The following MUC12 variants were observed in gnomAD, a reference collection of about 807,000 sequenced individuals.
The protein encoded by MUC12 is mucin-12.
MUC12 carries 172 observed loss-of-function variants against 230.8 expected under a neutral mutation model. The observed-to-expected ratio is 0.75, with a 90% CI of 0.66 to 0.85. The LOEUF (loss-of-function observed/expected upper bound fraction) is 0.85, where lower values mean the gene tolerates loss of function less well. Ranked by LOEUF, MUC12 falls within the 40% of genes least tolerant of loss-of-function variation. The pLI, the probability that MUC12 is intolerant of heterozygous loss-of-function variation, is 0.00. For missense variants in MUC12, 3,506 were observed against 5,920.6 expected, an observed-to-expected ratio of 0.59 and a Z score of 13.38; for synonymous variants, 1,259 against 2,401.9, an observed-to-expected ratio of 0.52 and a Z score of 13.91.
At position 100,991,520 on chromosome 7, in the gene MUC12, C is replaced by A. The variant is rs762884543; in HGVS notation, c.957C>A (p.Ala319=). 10 of 1,537,194 alleles carry A rather than the reference C, an allele frequency of 6.5e-6. No homozygotes were observed. Among genetic ancestry groups the A allele is most frequent in the Non-Finnish European group, 8.7e-6 (10 of 1,146,550 alleles). The part of the protein sequence containing the change: ...PSSTPTTHFS[A]SSTTLGHSEE... ...CAACTCCAACAACCCACTTTTCTGCCAGCTCCACAACCTTGGGCCATAGTG... is the reference window on the plus strand; with the variant it reads ...CAACTCCAACAACCCACTTTTCTGCAAGCTCCACAACCTTGGGCCATAGTG... The change falls in exon 2 of 12, where the codon GCC becomes GCA. Residue 319 remains alanine, a synonymous_variant. Transcript: ENST00000536621.
intron 1 of MUC12, among the ~76,000 whole-genome samples, chr7:100,987,561 A>G (rs541836863): frequency 3.9e-4 from 60 of 152,186 alleles, no homozygotes; most frequent in African/African-American, 1.3e-3. Flanking sequence ...CCAGTGTTGC[A>G]GGAGGGGCCT....
intron 1 of MUC12, among the ~76,000 whole-genome samples, chr7:100,989,173 T>C (rs1563088507): frequency 1.4e-5 from 2 of 147,960 alleles, no homozygotes; most frequent in Non-Finnish European, 3.0e-5. Flanking sequence ...CGATCTCAGC[T>C]CACTGCAACC....
At chr7:101,007,088 A>C (rs888564353) in intron 3 of MUC12, among the ~76,000 whole-genome samples, 1 of 151,978 alleles carries the variant, frequency 6.6e-6, no homozygotes, top group Non-Finnish European at 1.5e-5. Context: ...CCTCCTGAGT[A>C]GTTGAGATTA....
Position 100,991,838 on chromosome 7 carries a change from T to A in MUC12, c.1275T>A (p.Arg425=), listed in dbSNP as rs1481866707. 3 of 1,537,656 alleles carry A rather than the reference T, an allele frequency of 2.0e-6. No homozygotes were observed. The Admixed American group carries it at 5.9e-5, about 30-fold the overall frequency. The change falls in exon 2 of 12, where the codon CGT becomes CGA. Residue 425 remains arginine (R), a synonymous_variant. Transcript: ENST00000536621. The part of the protein sequence containing the change: ...SLGSTETTHF[R]DSSTISGRSE... The stretch of plus-strand genomic sequence containing the variant: ...GCTCAACTGAAACAACACACTTCCG[T>A]GATAGCTCCACAATCTCAGGCCGTA...
Position 101,003,285 on chromosome 7 carries a change from G to A in MUC12, c.12722G>A (p.Ser4241Asn). 2.6e-6 allele frequency: 4 copies of A among 1,520,084 alleles called. No homozygotes were observed. Among genetic ancestry groups the A allele is most frequent in the Non-Finnish European group, 3.5e-6 (4 of 1,140,430 alleles). 94.2% of individuals were successfully genotyped at this position (1,520,084 alleles called of 1,614,324 possible). ...FPSSTTMPGV[S>N]QESTASHSSP... ...AGCAGTACCACCATGCCAGGCGTCA[G>A]TCAGGAATCTACAGCTTCCCACAGC... The change falls in exon 2 of 12, where the codon AGT becomes AAT. Residue 4241 changes from serine to asparagine, a missense_variant. By Grantham distance (46) the Ser-to-Asn change is conservative. Coordinates refer to ENST00000536621, the MANE Select transcript of MUC12 (RefSeq NM_001164462.2).
rs902228933 is a variant in MUC12 at position 101,004,540 on chromosome 7, C to T, written c.13977C>T (p.His4659=). 12 of 1,537,118 alleles carry T rather than the reference C, an allele frequency of 7.8e-6. No individual in the cohort carries two copies. The highest frequency in any genetic ancestry group is 3.3e-4 in the Middle Eastern group (2 of 6,018). The part of the protein sequence containing the change: ...SALVEEPTSY[H]SSPGSIATTH... ...TTGTTGAAGAACCTACCAGCTACCA[C>T]AGCAGCCCGGGCTCAATTGCAACAA... The change falls in exon 2 of 12, where the codon CAC becomes CAT. Residue 4659 remains histidine (H), a synonymous_variant. Transcript: ENST00000536621.
chr7:101,006,623 G>A, intron 3 of MUC12, 51 bp downstream of exon 3: 1 of 1,254,602 alleles, frequency 8.0e-7, no homozygotes, highest in Non-Finnish European at 1.1e-6. Flanking sequence ...TTTCACCCCT[G>A]AAAACAGCAT....
intron 3 of MUC12, among the ~76,000 whole-genome samples, chr7:101,007,315 G>A (rs901184605): frequency 2.0e-5 from 3 of 152,094 alleles, no homozygotes; most frequent in Admixed American, 6.5e-5. Context: ...TCACTCTGTC[G>A]TGTTAAATAC....
In MUC12 at chr7:101,013,183, G is replaced by T. The variant is rs1009994589; in HGVS notation, c.15638+41G>T. 12 of 1,533,778 alleles carry T rather than the reference G, an allele frequency of 7.8e-6. No individual in the cohort carries two copies. The African/African-American group carries it at 8.2e-5, about 11-fold the overall frequency. ...AGCCCAGCACCCACTCTGTCCTGGT[G>T]ATAGGGCCCTCCCCCTCCCCAGCAG... On this transcript the variant is annotated intron_variant, in intron 8 of 11. Transcript: ENST00000536621.
At chr7:100,983,574 A>C (rs2116283170) in intron 1 of MUC12, among the ~76,000 whole-genome samples, 1 of 152,312 alleles carries the variant, frequency 6.6e-6, no homozygotes, top group Admixed American at 6.5e-5. Context: ...TACAGGGCCA[A>C]CTGAACAGGG....
chr7:101,005,137 C>T lies in MUC12; in HGVS notation c.14574C>T (p.Gly4858=). The T allele has an allele frequency of 6.5e-7, 1 of 1,537,976 alleles. No homozygotes were observed. The highest frequency in any genetic ancestry group is 8.7e-7 in the Non-Finnish European group (1 of 1,147,082). Residue 4858 remains glycine (G), a synonymous_variant, in exon 2 of 12, where the codon GGC becomes GGT. Transcript: ENST00000536621. ...CTACCACCTTCTACAGCAGCCCAGG[C>T]TCAACTGAAACCACAGCGTTTTCTC... The part of the protein sequence containing the change: ...EESTTFYSSP[G]STETTAFSHS...
chr7:101,017,801 T>G, intron 11 of MUC12, 138 bp downstream of exon 11: 1 of 455,018 alleles, frequency 2.2e-6, no homozygotes. Flanking sequence ...TGGGACCCCT[T>G]CCCTTTCCCT....
At chr7:101,013,644 G>A (rs1285848285) in intron 8 of MUC12, among the ~76,000 whole-genome samples, 1 of 152,142 alleles carries the variant, frequency 6.6e-6, no homozygotes, top group Non-Finnish European at 1.5e-5. Context: ...GTGGGTGAAT[G>A]GTACGTGTCT....
Position 101,002,089 on chromosome 7 carries a change from T to C in MUC12, c.11526T>C (p.Thr3842=). Residue 3842 remains threonine, a synonymous_variant, in exon 2 of 12, where the codon ACT becomes ACC. Transcript: ENST00000536621. ...CCTCAACTCACACAACACTGTTCAC[T>C]GAGGACAGCACCACCTCGGGCCTCA... ...RPASTHTTLF[T]EDSTTSGLTE... The C allele has an allele frequency of 9.2e-7, 1 of 1,086,182 alleles. No homozygotes were observed. The highest frequency in any genetic ancestry group is 1.3e-6 in the Non-Finnish European group (1 of 787,244). The allele number at this position is 1,086,182 out of a possible 1,614,324, so 67.3% of individuals were successfully genotyped here.
rs1563089040 is a variant in MUC12 at position 100,990,753 on chromosome 7, GCAA to G, written c.194_196del (p.Thr65del). 6.5e-7 allele frequency: 1 copy of G among 1,537,836 alleles called. No homozygotes were observed. Among genetic ancestry groups the G allele is most frequent in the Non-Finnish European group, 8.7e-7 (1 of 1,147,054 alleles). On this transcript the variant is annotated inframe_deletion, in exon 2 of 12. Transcript: ENST00000536621. ...AGTCACATTTATCACGGGCTCAACTGCAACAAAACACTTCCTTGACAGCTCCAC... is the reference window on the plus strand; with the variant it reads ...AGTCACATTTATCACGGGCTCAACTGCAAAACACTTCCTTGACAGCTCCAC...
Position 100,992,589 on chromosome 7 carries a change from C to G in MUC12, c.2026C>G (p.Arg676Gly), listed in dbSNP as rs561789821. Residue 676 changes from arginine to glycine, a missense_variant, in exon 2 of 12, where the codon CGC becomes GGC. Transcript: ENST00000536621. ...SSIPTTHISARSTTSGLVEES... is the reference protein window; with the variant it reads ...SSIPTTHISAGSTTSGLVEES... ...AATTCCAACAACCCACATTTCTGCC[C>G]GCTCCACAACCTCAGGCCTCGTTGA... 9 of 1,537,714 alleles carry G rather than the reference C, an allele frequency of 5.9e-6. No individual in the cohort carries two copies. Among genetic ancestry groups the G allele is most frequent in the Middle Eastern group, 1.7e-4 (1 of 5,992 alleles).
chr7:101,010,038 C>T (rs374614341), intron 5 of MUC12, among the ~76,000 whole-genome samples: 52 of 152,234 alleles, frequency 3.4e-4, no homozygotes, highest in African/African-American at 1.2e-3. Context: ...TGGTGGCCTA[C>T]ACCAGATAGG....
chr7:100,974,900 C>T (rs1214491867), intron 1 of MUC12, among the ~76,000 whole-genome samples: 4 of 152,294 alleles, frequency 2.6e-5, no homozygotes, highest in Admixed American at 2.6e-4. Flanking sequence ...TTTATTTCTA[C>T]CATCTTCGTT....
rs201102661 is a variant in MUC12 at position 100,994,130 on chromosome 7, C to A, written c.3567C>A (p.Phe1189Leu). The part of the protein sequence containing the change: ...TSVHGEEPTT[F>L]HSRPASTHTT... ...TTCATGGTGAAGAGCCTACAACCTT[C>A]CACAGCCGGCCAGCCTCAACTCACA... is the stretch of plus-strand genomic sequence containing the variant. The change falls in exon 2 of 12, where the codon TTC becomes TTA. Residue 1189 changes from phenylalanine to leucine, a missense_variant. By Grantham distance (22) the Phe-to-Leu change is conservative. Coordinates refer to ENST00000536621, the MANE Select transcript of MUC12 (RefSeq NM_001164462.2). 7.0e-4 allele frequency: 721 copies of A among 1,033,784 alleles called. 272 individuals are homozygous for A. Among genetic ancestry groups the A allele is most frequent in the Non-Finnish European group, 8.3e-4 (630 of 763,612 alleles). The allele number at this position is 1,033,784 out of a possible 1,614,324, so 64.0% of individuals were successfully genotyped here.
Sources: gnomAD v4.1 joint callset for allele counts (sites outside exome capture counted in the v4.1 genomes callset) on GRCh38, gnomAD v4.1.1 for gene constraint, MANE v1.5 for transcripts, NCBI Gene and HGNC (gene_info 2026-07-23, HGNC 2026-07-21) for gene names.